The following MUC7 variants were observed in gnomAD, a reference collection of about 807,000 sequenced individuals.
MUC7 encodes the protein mucin-7.
MUC7 carries 2 observed loss-of-function variants against 2.5 expected under a neutral mutation model. That is an observed-to-expected ratio of 0.81 (90% CI 0.33 to 2.55). The LOEUF is 2.55. Ranked by LOEUF, MUC7 falls within the 30% of genes most tolerant of loss-of-function variation. The pLI is 0.11. For synonymous variants in MUC7, 133 were observed against 173.4 expected (o/e 0.77, Z 1.83); for missense variants, 408 against 455.6 (o/e 0.90, Z 0.95).
At chr4:70,478,679 G>A (rs1008755241) in intron 2 of MUC7, among the ~76,000 whole-genome samples, 7 of 152,142 alleles carry the variant, frequency 4.6e-5, no homozygotes, top group Non-Finnish European at 1.0e-4. Flanking sequence ...GGGAAAGACC[G>A]AGATCATGGA....
chr4:70,455,110 G>A (rs1734381061), intron 1 of MUC7, among the ~76,000 whole-genome samples: 1 of 151,512 alleles, frequency 6.6e-6, no homozygotes, highest in African/African-American at 2.4e-5. Flanking sequence ...CAGTGATCAT[G>A]ATTTATGCTA....
intron 1 of MUC7, among the ~76,000 whole-genome samples, chr4:70,437,672 C>A (rs547252785): frequency 6.6e-6 from 1 of 152,298 alleles, no homozygotes; most frequent in South Asian, 2.1e-4. Context: ...CGACTCCTTG[C>A]GCTTCCCAGG....
At chr4:70,464,845 C>G (rs1336605525) in intron 1 of MUC7, among the ~76,000 whole-genome samples, 1 of 152,220 alleles carries the variant, frequency 6.6e-6, no homozygotes, top group Non-Finnish European at 1.5e-5. Flanking sequence ...AACCTTCCCG[C>G]CTGCCGGCTC....
At chr4:70,454,809 A>T (rs1227956107) in intron 1 of MUC7, among the ~76,000 whole-genome samples, 1 of 152,172 alleles carries the variant, frequency 6.6e-6, no homozygotes, top group Non-Finnish European at 1.5e-5. Context: ...GTTTCAAGAC[A>T]ACTAATGGCA....
At chr4:70,438,286 GT>G (rs764249547) in intron 1 of MUC7, among the ~76,000 whole-genome samples, 2 of 152,058 alleles carry the variant, frequency 1.3e-5, no homozygotes, top group African/African-American at 4.8e-5. Flanking sequence ...AACTGCATTT[GT>G]TTTTTTCTTT....
At chr4:70,474,162 GCAACC>G in intron 2 of MUC7, 87 bp downstream of exon 2, 1 of 1,062,556 alleles carries the variant, frequency 9.4e-7, no homozygotes, top group Non-Finnish European at 1.4e-6. Context: ...AGCATAATAG[GCAACC>G]CCTATTTCCA....
chr4:70,473,313 G>A (rs1160748777), intron 1 of MUC7, among the ~76,000 whole-genome samples: 1 of 151,970 alleles, frequency 6.6e-6, no homozygotes, highest in Non-Finnish European at 1.5e-5. Context: ...GAGCGGTGGT[G>A]CATGACTGTA....
intron 1 of MUC7, among the ~76,000 whole-genome samples, chr4:70,457,305 G>A (rs1734439162): frequency 6.6e-6 from 1 of 152,112 alleles, no homozygotes; most frequent in Non-Finnish European, 1.5e-5. Flanking sequence ...AATTAGCCAG[G>A]TGTGATGGTG....
At chr4:70,461,375 G>A (rs6850792) in intron 1 of MUC7, among the ~76,000 whole-genome samples, 11,298 of 152,192 alleles carry the variant, frequency 0.074, 633 homozygotes, top group East Asian at 0.19. Context: ...GATGACAAAG[G>A]CCACACTTTC....
At position 70,462,969 on chromosome 4, in the gene MUC7, AAATGAATGAATG is replaced by A. The variant is rs145384221; in HGVS notation, c.-92-9226_-92-9215del. Among the ~76,000 whole-genome samples the A allele has an allele frequency of 4.6e-5, 7 of 151,702 alleles. No homozygotes were observed. The East Asian group carries it at 5.8e-4, about 13-fold the overall frequency. ...CAACAGAGCAACACTTTGTCTCTAAAAATGAATGAATGAATGAATGAATGAATGAATAAGTAA... is the reference window on the plus strand; with the variant it reads ...CAACAGAGCAACACTTTGTCTCTAAAAATGAATGAATGAATGAATAAGTAA... On this transcript the variant is annotated intron_variant, in intron 1 of 3. Transcript: ENST00000413702.
chr4:70,462,271 G>A (rs1734575363), intron 1 of MUC7, among the ~76,000 whole-genome samples: 1 of 151,814 alleles, frequency 6.6e-6, no homozygotes, highest in African/African-American at 2.4e-5. Context: ...AACTTAAGTA[G>A]CAAAAATCAA....
chr4:70,435,578 G>C (rs760527615), intron 1 of MUC7, among the ~76,000 whole-genome samples: 1 of 152,142 alleles, frequency 6.6e-6, no homozygotes, highest in African/African-American at 2.4e-5. Context: ...CAACTCTGTA[G>C]TTTGAACCTA....
In MUC7 at chr4:70,482,988, T is replaced by A. The variant is rs1038186216; in HGVS notation, c.*1110T>A. 2.0e-5 allele frequency: 3 copies of A among 152,316 alleles called. No homozygotes were observed. Among genetic ancestry groups the A allele is most frequent in the African/African-American group, 7.2e-5 (3 of 41,446 alleles). 9.4% of individuals were successfully genotyped at this position (152,316 alleles called of 1,614,324 possible). A position where few individuals can be genotyped will look rare whatever the true frequency, so the allele number is the denominator to read the frequency against. ...TTTGCTAACTAATAAAGATTTCAAATGGCAATTTATATTCATTGTGTGTAT... is the reference window on the plus strand; with the variant it reads ...TTTGCTAACTAATAAAGATTTCAAAAGGCAATTTATATTCATTGTGTGTAT... On this transcript the variant is annotated 3_prime_UTR_variant, in exon 3 of 3. Transcript: ENST00000304887.
chr4:70,475,444 T>G (rs11249502), intron 2 of MUC7, among the ~76,000 whole-genome samples: 34,609 of 152,022 alleles, frequency 0.23, 4,680 homozygotes, highest in East Asian at 0.4. Flanking sequence ...TAAAACATAC[T>G]TGAAGCCATG....
At chr4:70,461,098 T>C (rs995043669) in intron 1 of MUC7, among the ~76,000 whole-genome samples, 3 of 152,216 alleles carry the variant, frequency 2.0e-5, no homozygotes, top group Admixed American at 1.3e-4. Context: ...CGAGCTTATC[T>C]TGGCCAAGCT....
At chr4:70,468,798 G>C (rs147193338), upstream of MUC7, among the ~76,000 whole-genome samples, 2,045 of 152,224 alleles carry the variant, frequency 0.013, 46 homozygotes, top group African/African-American at 0.047. Flanking sequence ...TCATGGACAG[G>C]AAGAATCAAT....
In MUC7 at chr4:70,480,811, C is replaced by T. The variant is rs546576850; in HGVS notation, c.67C>T (p.Arg23Ter). 1.1e-5 allele frequency: 17 copies of T among 1,613,024 alleles called. No homozygotes were observed. The highest frequency in any genetic ancestry group is 2.7e-5 in the African/African-American group (2 of 74,960). The part of the protein sequence containing the change: ...LSACFSFSEG[R>*]ERDHELRHRR... ...TTCTTTTCTGCAGTTCAGTGAAGGT[C>T]GAGAAAGGGATCATGAACTACGTCA... The change falls in exon 3 of 3, where the codon CGA becomes TGA. Residue 23 changes from arginine (R) to a stop codon, truncating the protein, a stop_gained. Coordinates refer to ENST00000304887, the MANE Select transcript of MUC7 (RefSeq NM_152291.3). LOFTEE classifies it low-confidence loss of function (END_TRUNC).
intron 1 of MUC7, among the ~76,000 whole-genome samples, chr4:70,434,019 G>A (rs1017563248): frequency 6.6e-6 from 1 of 152,036 alleles, no homozygotes; most frequent in Non-Finnish European, 1.5e-5. Context: ...TTACATGATG[G>A]ATTACGTTTA....
rs1577919342 is a variant in MUC7 at position 70,481,856 on chromosome 4, T to C, written c.1112T>C (p.Ile371Thr). 2 of 1,613,998 alleles carry C rather than the reference T, an allele frequency of 1.2e-6. No homozygotes were observed. The highest frequency in any genetic ancestry group is 8.5e-7 in the Non-Finnish European group (1 of 1,179,956). Residue 371 changes from isoleucine to threonine, a missense_variant, in exon 3 of 3, where the codon ATT (isoleucine) becomes ACT (threonine). By Grantham distance (89) the Ile-to-Thr change is moderately conservative. Around this residue, in one of 3 missense-constraint regions of MUC7, gnomAD observed 175 missense variants for 187.1 expected, o/e 0.94. Coordinates refer to ENST00000304887, the MANE Select transcript of MUC7 (RefSeq NM_152291.3). ...LYMKNLLNRIIDDMVEQ is the reference protein window; with the variant it reads ...LYMKNLLNRITDDMVEQ Reference sequence around the variant, plus strand: ...ATGAAGAATCTACTAAACAGAATTATTGACGACATGGTGGAGCAATAGTAT... The same window carrying C: ...ATGAAGAATCTACTAAACAGAATTACTGACGACATGGTGGAGCAATAGTAT...
Sources: gnomAD v4.1 joint callset for allele counts (sites outside exome capture counted in the v4.1 genomes callset) on GRCh38, gnomAD v4.1.1 for gene constraint, gnomAD v4.1.1 regional missense constraint, MANE v1.5 for transcripts, NCBI Gene and HGNC (gene_info 2026-07-23, HGNC 2026-07-21) for gene names.